Variants in MATCAP2 observed in about 807,000 individuals in gnomAD.
MATCAP2 encodes putative tyrosine carboxypeptidase MATCAP2.
At chr7:36,389,739 A>C in the MATCAP2 span, 12 of 360,356 alleles carry the variant, frequency 3.3e-5, no homozygotes, top group Non-Finnish European at 4.9e-5. Context: ...GCCCCTGGGA[A>C]CCACCCGGCC....
At chr7:36,375,141 T>A in the MATCAP2 span, among the ~76,000 whole-genome samples, 265 of 152,306 alleles carry the variant, frequency 1.7e-3, 2 homozygotes, top group African/African-American at 5.7e-3. Context: ...GTTGAACTAG[T>A]TTATACTCCC....
At chr7:36,333,915 T>C in the MATCAP2 span, 74 of 1,614,032 alleles carry the variant, frequency 4.6e-5, no homozygotes, top group Non-Finnish European at 6.0e-5. Flanking sequence ...CCATCTTGTA[T>C]TGGGGTCCTT....
chr7:36,329,792 G>A, the MATCAP2 span, among the ~76,000 whole-genome samples: 1 of 152,146 alleles, frequency 6.6e-6, no homozygotes, highest in Non-Finnish European at 1.5e-5. Flanking sequence ...CTAATACAAT[G>A]GGGGAAAGGT....
At chr7:36,350,666 G>A in the MATCAP2 span, among the ~76,000 whole-genome samples, 15 of 151,496 alleles carry the variant, frequency 9.9e-5, no homozygotes, top group Non-Finnish European at 1.9e-4. Flanking sequence ...CTCAGCCTCC[G>A]AAGTAGCTGG....
At chr7:36,334,059 C>T in the MATCAP2 span, 1 of 1,614,030 alleles carries the variant, frequency 6.2e-7, no homozygotes, top group African/African-American at 1.3e-5. Flanking sequence ...GCTTGCTAGT[C>T]CTTCCTCTGT....
At chr7:36,365,041 G>T in the MATCAP2 span, among the ~76,000 whole-genome samples, 1 of 152,150 alleles carries the variant, frequency 6.6e-6, no homozygotes, top group Non-Finnish European at 1.5e-5. Flanking sequence ...TGAGACAAGA[G>T]GAGTGGGTCT....
chr7:36,386,120 A>G, the MATCAP2 span, among the ~76,000 whole-genome samples: 1 of 151,904 alleles, frequency 6.6e-6, no homozygotes, highest in African/African-American at 2.4e-5. Flanking sequence ...AGGCCACTGC[A>G]CTCCAGCCTT....
chr7:36,368,171 G>T, the MATCAP2 span: 3 of 152,222 alleles, frequency 2.0e-5, no homozygotes, highest in Admixed American at 6.5e-5. Context: ...GGATATCAAG[G>T]GAAATGAAAT....
chr7:36,387,198 T>G, the MATCAP2 span, among the ~76,000 whole-genome samples: 1 of 152,168 alleles, frequency 6.6e-6, no homozygotes, highest in Non-Finnish European at 1.5e-5. Context: ...GTTATGGATA[T>G]ATATGTAGAT....
the MATCAP2 span, among the ~76,000 whole-genome samples, chr7:36,386,475 C>T: frequency 1.1e-5 from 1 of 94,474 alleles, no homozygotes; most frequent in Non-Finnish European, 2.4e-5. Flanking sequence ...GTGTGTGTAT[C>T]ATTAGTTATA....
At chr7:36,372,561 G>A in the MATCAP2 span, among the ~76,000 whole-genome samples, 1 of 152,178 alleles carries the variant, frequency 6.6e-6, no homozygotes, top group Non-Finnish European at 1.5e-5. Flanking sequence ...AAAAACCCTG[G>A]GGAACACTGT....
At chr7:36,350,669 G>A in the MATCAP2 span, among the ~76,000 whole-genome samples, 1 of 151,896 alleles carries the variant, frequency 6.6e-6, no homozygotes, top group African/African-American at 2.4e-5. Context: ...AGCCTCCGAA[G>A]TAGCTGGGAT....
the MATCAP2 span, among the ~76,000 whole-genome samples, chr7:36,383,674 G>A: frequency 1.3e-5 from 2 of 152,178 alleles, no homozygotes; most frequent in Non-Finnish European, 2.9e-5. Flanking sequence ...GGGGTGGAGA[G>A]TTAGGGGAGG....
At chr7:36,326,751 C>T in the MATCAP2 span, 41 of 1,605,986 alleles carry the variant, frequency 2.6e-5, no homozygotes, top group East Asian at 9.0e-5. Context: ...TTTGCCAGAA[C>T]GCTAATTACT....
the MATCAP2 span, among the ~76,000 whole-genome samples, chr7:36,346,131 A>G: frequency 1.3e-5 from 2 of 152,166 alleles, no homozygotes; most frequent in African/African-American, 4.8e-5. Flanking sequence ...TCTATAGGAA[A>G]AAAAAAGGGC....
chr7:36,340,707 C>G, the MATCAP2 span, among the ~76,000 whole-genome samples: 8 of 152,218 alleles, frequency 5.3e-5, no homozygotes, highest in African/African-American at 1.9e-4. Flanking sequence ...TAACCTCCCC[C>G]CATCTGCATT....
the MATCAP2 span, among the ~76,000 whole-genome samples, chr7:36,375,557 G>A: frequency 2.2e-3 from 327 of 152,086 alleles, 2 homozygotes; most frequent in African/African-American, 7.4e-3. Context: ...CTCTTTTTTT[G>A]TTGTGTCTCT....
the MATCAP2 span, among the ~76,000 whole-genome samples, chr7:36,382,340 G>T: frequency 3.4e-5 from 5 of 148,072 alleles, no homozygotes; most frequent in African/African-American, 1.2e-4. Context: ...TTTGCAAAAT[G>T]TCTGTTTGCA....
At chr7:36,379,845 CACAG>C in the MATCAP2 span, among the ~76,000 whole-genome samples, 236 of 125,376 alleles carry the variant, frequency 1.9e-3, no homozygotes, top group African/African-American at 5.5e-3. Context: ...CACACACACA[CACAG>C]AGAGAGAGAG....
Sources: allele counts gnomAD v4.1 joint callset (sites outside exome capture counted in the v4.1 genomes callset), GRCh38; gene constraint gnomAD v4.1.1; transcripts MANE v1.5; gene names NCBI Gene and HGNC (gene_info 2026-07-23, HGNC 2026-07-21).